Variants in GRAMD1B observed in about 807,000 individuals in gnomAD.
The protein encoded by GRAMD1B is protein Aster-B.
A neutral mutation model predicts 99.7 loss-of-function variants in GRAMD1B; 37 were observed. The ratio of observed to expected loss-of-function variants is 0.37; its 90% CI spans 0.29 to 0.49. The LOEUF (loss-of-function observed/expected upper bound fraction) is 0.49. GRAMD1B is among the 20% of genes least tolerant of loss of function. The pLI is 0.98. For synonymous variants in GRAMD1B, 427 were observed against 387.6 expected (o/e 1.10, Z -1.19); for missense variants, 888 against 1,009.2 (o/e 0.88, Z 1.63).
chr11:123,413,678 C>T (rs1170063193), intron 1 of GRAMD1B, among the ~76,000 whole-genome samples: 1 of 152,100 alleles, frequency 6.6e-6, no homozygotes, highest in Non-Finnish European at 1.5e-5. Context: ...TAGGCAGATC[C>T]TGCACAGATA....
At position 123,594,260 on chromosome 11, in the gene GRAMD1B, C is replaced by G. The variant is rs928122144; in HGVS notation, c.769+94C>G. The G allele has an allele frequency of 1.6e-5, 13 of 830,618 alleles. No homozygotes were observed. In the South Asian group the frequency reaches 1.8e-4, roughly 11 times the overall value. The allele number at this position is 830,618 out of a possible 1,614,324, so 51.5% of individuals were successfully genotyped here. ...CTTCTCTCTAGAGGCCTCAAGCCAACCCAGGTAAGCAAGGGAACAGGGAGA... is the reference window on the plus strand; with the variant it reads ...CTTCTCTCTAGAGGCCTCAAGCCAAGCCAGGTAAGCAAGGGAACAGGGAGA... On this transcript the variant is annotated intron_variant, in intron 5 of 19. Coordinates refer to ENST00000635736, the MANE Select transcript of GRAMD1B (RefSeq NM_001387025.1).
chr11:123,556,425 AGACACT>A (rs1946191667), intron 2 of GRAMD1B, among the ~76,000 whole-genome samples: 1 of 152,220 alleles, frequency 6.6e-6, no homozygotes, highest in African/African-American at 2.4e-5. Context: ...AATACTATGT[AGACACT>A]GACCCTCTTT....
intron 2 of GRAMD1B, among the ~76,000 whole-genome samples, chr11:123,525,426 G>C (rs377196105): frequency 1.3e-5 from 2 of 152,124 alleles, no homozygotes; most frequent in Non-Finnish European, 2.9e-5. Context: ...CCCCTCCCCC[G>C]CAGGGGTGGG....
chr11:123,527,486 C>T (rs1407153037), intron 2 of GRAMD1B, among the ~76,000 whole-genome samples: 1 of 152,114 alleles, frequency 6.6e-6, no homozygotes. Flanking sequence ...CAGTTATCCC[C>T]CAGCCGGGAG....
At chr11:123,480,031 T>C (rs1435135335) in intron 1 of GRAMD1B, among the ~76,000 whole-genome samples, 2 of 152,116 alleles carry the variant, frequency 1.3e-5, no homozygotes, top group East Asian at 3.9e-4. Context: ...ATAAAAATGA[T>C]TTGTTCATCA....
chr11:123,361,971 G>T (rs1346867315), intron 1 of GRAMD1B, among the ~76,000 whole-genome samples: 2 of 152,222 alleles, frequency 1.3e-5, no homozygotes, highest in African/African-American at 4.8e-5. Context: ...CATGAGAATA[G>T]AATTTATTAG....
At chr11:123,479,962 C>T (rs1951499736) in intron 1 of GRAMD1B, among the ~76,000 whole-genome samples, 2 of 152,076 alleles carry the variant, frequency 1.3e-5, no homozygotes, top group African/African-American at 4.8e-5. Context: ...CTAGATTGAG[C>T]CTAGAGTTTC....
At chr11:123,467,717 T>C (rs1379677358) in intron 1 of GRAMD1B, among the ~76,000 whole-genome samples, 2 of 152,116 alleles carry the variant, frequency 1.3e-5, no homozygotes, top group Non-Finnish European at 2.9e-5. Flanking sequence ...ATGAATGACA[T>C]ATCAGGAGTG....
chr11:123,621,351 T>C (rs1436825047), intron 19 of GRAMD1B, among the ~76,000 whole-genome samples: 1 of 152,250 alleles, frequency 6.6e-6, no homozygotes, highest in East Asian at 1.9e-4. Context: ...GGTTCCATTC[T>C]AGTCTCCCAT....
intron 1 of GRAMD1B, among the ~76,000 whole-genome samples, chr11:123,391,166 C>T (rs958413248): frequency 3.3e-5 from 5 of 152,146 alleles, no homozygotes; most frequent in African/African-American, 1.2e-4. Flanking sequence ...CCCATAATCC[C>T]GCCACTTGCC....
At chr11:123,611,035 T>C (rs1373215245) in intron 14 of GRAMD1B, among the ~76,000 whole-genome samples, 1 of 152,238 alleles carries the variant, frequency 6.6e-6, no homozygotes, top group African/African-American at 2.4e-5. Context: ...ACTGTTTACC[T>C]GTACCTTAGA....
In GRAMD1B at chr11:123,603,519, G is replaced by A; in HGVS notation, c.1144G>A (p.Asp382Asn). ...TGATGACGAGGACTACGTGCCCCCT[G>A]ACGACGACTTCAACACAATGGGGTG... ...TSDDEDYVPPDDDFNTMGYCE... is the reference protein window; with the variant it reads ...TSDDEDYVPPNDDFNTMGYCE... The change falls in exon 9 of 20, where the codon GAC (aspartate) becomes AAC (asparagine). Residue 382 changes from aspartate (D) to asparagine (N), a missense_variant. By Grantham distance (23) the Asp-to-Asn change is conservative. This residue lies in a region of GRAMD1B where 269 missense variants were observed against 296.6 expected (regional missense o/e 0.91). Coordinates refer to ENST00000635736, the MANE Select transcript of GRAMD1B (RefSeq NM_001387025.1). 6.2e-7 allele frequency: 1 copy of A among 1,612,012 alleles called. No individual in the cohort carries two copies. Among genetic ancestry groups the A allele is most frequent in the Non-Finnish European group, 8.5e-7 (1 of 1,178,040 alleles).
rs6144546 is a variant in GRAMD1B, at chr11:123,524,318, T to TTTTTATTTTATTTTATTTTATTTTA, written c.452+43435_452+43459dup. Among the ~76,000 whole-genome samples, 691 of 137,592 alleles carry TTTTTATTTTATTTTATTTTATTTTA rather than the reference T, an allele frequency of 5.0e-3. 9 individuals carry two copies. The highest frequency in any genetic ancestry group is 0.012 in the African/African-American group (461 of 39,004). The allele number at this position is 137,592 out of a possible 152,430, so 90.3% of individuals were successfully genotyped here. On this transcript the variant is annotated intron_variant, in intron 2 of 19. Coordinates refer to ENST00000635736, the MANE Select transcript of GRAMD1B (RefSeq NM_001387025.1). ...ACGAGGGTCTGCACTCCAGTTTTTA[T>TTTTTATTTTATTTTATTTTATTTTA]TTTTATTTTATTTTATTTTATTTTA...
intron 4 of GRAMD1B, among the ~76,000 whole-genome samples, chr11:123,592,162 G>C (rs1335085220): frequency 4.6e-5 from 7 of 152,304 alleles, no homozygotes; most frequent in Admixed American, 3.3e-4. Context: ...GCTGACACTG[G>C]AACTCTGTAA....
At chr11:123,417,774 G>A (rs774606856) in intron 1 of GRAMD1B, among the ~76,000 whole-genome samples, 1 of 152,032 alleles carries the variant, frequency 6.6e-6, no homozygotes, top group Non-Finnish European at 1.5e-5. Flanking sequence ...CTGTCTGCAC[G>A]AAAAATATAA....
At chr11:123,400,792 A>G (rs371573517) in intron 1 of GRAMD1B, among the ~76,000 whole-genome samples, 2 of 152,168 alleles carry the variant, frequency 1.3e-5, no homozygotes, top group African/African-American at 4.8e-5. Flanking sequence ...AGTCTACAGT[A>G]TATGGTTTGC....
At position 123,435,657 on chromosome 11, in the gene GRAMD1B, T is replaced by C. The variant is rs577964634; in HGVS notation, c.374+4491T>C. 14 of 480,982 alleles carry C rather than the reference T, an allele frequency of 2.9e-5. No homozygotes were observed. The South Asian group carries it at 4.2e-4, about 15-fold the overall frequency. The allele number at this position is 480,982 out of a possible 1,614,324, so 29.8% of individuals were successfully genotyped here. A position where few individuals can be genotyped will look rare whatever the true frequency, so the allele number is the denominator to read the frequency against. On this transcript the variant is annotated intron_variant, in intron 1 of 19. Transcript: ENST00000635736. ...CCTCTTACAGTGATCTATAGATCTA[T>C]AGATGTTTGTTGATGAGTTAATAAT... is the stretch of plus-strand genomic sequence containing the variant.
At chr11:123,544,174 T>C (rs919924009) in intron 2 of GRAMD1B, among the ~76,000 whole-genome samples, 5 of 152,240 alleles carry the variant, frequency 3.3e-5, no homozygotes, top group African/African-American at 1.2e-4. Flanking sequence ...ACATCTGAGC[T>C]GCCTACAAGA....
chr11:123,365,260 C>CT (rs11407208), intron 1 of GRAMD1B, among the ~76,000 whole-genome samples: 52,517 of 146,978 alleles, frequency 0.36, 13,830 homozygotes, highest in African/African-American at 0.76. Context: ...TTCTTTTCTT[C>CT]TTTTTTTTTT....
Sources: allele counts gnomAD v4.1 joint callset (sites outside exome capture counted in the v4.1 genomes callset), GRCh38; gene constraint gnomAD v4.1.1; regional missense constraint gnomAD v4.1.1; transcripts MANE v1.5; gene names NCBI Gene and HGNC (gene_info 2026-07-23, HGNC 2026-07-21).